Variants in OTOG observed in about 807,000 individuals in gnomAD.
The protein encoded by OTOG is otogelin.
A neutral mutation model predicts 313.8 loss-of-function variants in OTOG; 296 were observed. The ratio of observed to expected loss-of-function variants is 0.94; its 90% CI spans 0.86 to 1.04. The LOEUF (loss-of-function observed/expected upper bound fraction) is 1.04. Among genes scored for constraint, OTOG ranks in the 50% least tolerant of loss-of-function variants. The pLI, the probability that OTOG is intolerant of heterozygous loss-of-function variation, is 0.00. For missense variants in OTOG, 3,948 were observed against 3,840.1 expected (o/e 1.03, Z -0.74); for synonymous variants, 1,533 against 1,554.9 (o/e 0.99, Z 0.33).
chr11:17,547,657 G>A (rs1851838560), intron 1 of OTOG, 191 bp downstream of exon 1: 10 of 1,096,480 alleles, frequency 9.1e-6, no homozygotes, highest in Non-Finnish European at 1.2e-5. Context: ...TATGACCGCG[G>A]GGGAAAGAGT....
intron 39 of OTOG, among the ~76,000 whole-genome samples, chr11:17,625,373 G>T (rs1227845319): frequency 6.6e-6 from 1 of 152,160 alleles, no homozygotes; most frequent in Non-Finnish European, 1.5e-5. Context: ...AAGCGGTGTT[G>T]AGTTTTACCA....
chr11:17,642,389 G>A, intron 53 of OTOG, 143 bp downstream of exon 53: 1 of 1,169,246 alleles, frequency 8.6e-7, no homozygotes, highest in Non-Finnish European at 1.2e-6. Flanking sequence ...AAATCCATAT[G>A]TCTCTCTGCA....
At chr11:17,576,509 C>A in intron 20 of OTOG, 47 bp from the exon 21 acceptor site, 1 of 1,480,374 alleles carries the variant, frequency 6.8e-7, no homozygotes, top group Non-Finnish European at 9.2e-7. Flanking sequence ...AGTCTCTGCC[C>A]TAGCTCCTGA....
At chr11:17,643,398 T>C in intron 53 of OTOG, 63 bp from the exon 54 acceptor site, 1 of 1,192,930 alleles carries the variant, frequency 8.4e-7, no homozygotes, top group South Asian at 2.2e-5. Context: ...TTCTGGGATC[T>C]TGGCTCCCGG....
intron 9 of OTOG, 109 bp downstream of exon 9, chr11:17,558,424 T>C: frequency 6.6e-7 from 1 of 1,516,950 alleles, no homozygotes; most frequent in Non-Finnish European, 8.9e-7. Context: ...CTTGACCCCA[T>C]CCCTCTCTTC....
chr11:17,593,319 G>A lies in OTOG; in HGVS notation c.3133G>A (p.Gly1045Arg), dbSNP rs757978475. ...ACTCATTGTCTTTGATGATGACTCCGGAAATCCTGTAAGGCTCAGTGCCTG... is the reference window on the plus strand; with the variant it reads ...ACTCATTGTCTTTGATGATGACTCCAGAAATCCTGTAAGGCTCAGTGCCTG... ...NSLIVFDDDS[G>R]NPSPESFLDD... Residue 1045 changes from glycine to arginine, a missense_variant, in exon 26 of 56, where the codon GGA (glycine) becomes AGA (arginine). Physicochemically the swap from Gly to Arg is moderately radical, Grantham distance 125. Transcript: ENST00000399397. 44 of 1,550,428 alleles carry A rather than the reference G, an allele frequency of 2.8e-5. 1 individual carries two copies. In the Middle Eastern group the frequency reaches 6.7e-4, roughly 23 times the overall value.
At chr11:17,644,549 G>A (rs1187141500) in intron 54 of OTOG, among the ~76,000 whole-genome samples, 1 of 152,244 alleles carries the variant, frequency 6.6e-6, no homozygotes, top group East Asian at 1.9e-4. Context: ...TTTAGTGGGA[G>A]AGACAGAATA....
In OTOG at chr11:17,598,769, C is replaced by T. The variant is rs77251078; in HGVS notation, c.3683-902C>T. On this transcript the variant is annotated intron_variant, in intron 30 of 55. Coordinates refer to ENST00000399397, the MANE Select transcript of OTOG (RefSeq NM_001292063.2). The stretch of plus-strand genomic sequence containing the variant: ...CTGGGTATACCCTGGAAACCAGAAA[C>T]TTGGAGATTTTCTAATTTTCTGGTT... Among the ~76,000 whole-genome samples the T allele has an allele frequency of 4.2e-3, 637 of 152,326 alleles. 5 individuals carry two copies. Among genetic ancestry groups the T allele is most frequent in the African/African-American group, 0.015 (603 of 41,572 alleles).
At chr11:17,608,436 C>A in intron 34 of OTOG, 23 bp downstream of exon 34, 1 of 1,480,896 alleles carries the variant, frequency 6.8e-7, no homozygotes, top group Non-Finnish European at 9.1e-7. Flanking sequence ...GGGCTGTGGG[C>A]ATGGAGCCAA....
intron 47 of OTOG, among the ~76,000 whole-genome samples, chr11:17,636,270 A>AC (rs753580048): frequency 5.9e-5 from 9 of 152,316 alleles, no homozygotes; most frequent in South Asian, 2.1e-4. Context: ...TGTTCATAGT[A>AC]CCTTGATATA....
rs1330287897 is a variant in OTOG at position 17,576,922 on chromosome 11, G to A, written c.2605+11G>A. 1 of 1,550,174 alleles carries A rather than the reference G, an allele frequency of 6.5e-7. No homozygotes were observed. Among genetic ancestry groups the A allele is most frequent in the East Asian group, 2.4e-5 (1 of 40,922 alleles). On this transcript the variant is annotated intron_variant, in intron 22 of 55. Transcript: ENST00000399397. Reference sequence around the variant, plus strand: ...ATAGCAGAGCCCCAGGTAAGGGTGGGTGGAGGGGTGGAGCCCTTCTGGGGG... The same window carrying A: ...ATAGCAGAGCCCCAGGTAAGGGTGGATGGAGGGGTGGAGCCCTTCTGGGGG...
intron 49 of OTOG, 65 bp downstream of exon 49, chr11:17,639,528 T>G: frequency 6.7e-7 from 1 of 1,482,638 alleles, no homozygotes; most frequent in Non-Finnish European, 9.2e-7. Context: ...CTCTATCCCC[T>G]CCTCTAGAGA....
At chr11:17,573,614 G>A (rs764980415) in intron 19 of OTOG, among the ~76,000 whole-genome samples, 16 of 152,102 alleles carry the variant, frequency 1.1e-4, no homozygotes, top group African/African-American at 1.2e-4. Context: ...GCCACCTTGC[G>A]TTGCACCTTT....
chr11:17,609,245 T>C (rs1163015967), intron 35 of OTOG, 36 bp downstream of exon 35: 1 of 1,526,590 alleles, frequency 6.6e-7, no homozygotes, highest in Non-Finnish European at 8.9e-7. Context: ...TCCCTCAGAT[T>C]TCCTCTAAGT....
At chr11:17,636,081 T>C (rs1854259994) in intron 47 of OTOG, among the ~76,000 whole-genome samples, 1 of 152,234 alleles carries the variant, frequency 6.6e-6, no homozygotes, top group Admixed American at 6.5e-5. Flanking sequence ...GTCGCCATAG[T>C]GCCCGCTCCT....
intron 47 of OTOG, among the ~76,000 whole-genome samples, chr11:17,637,015 T>C (rs770065062): frequency 6.6e-6 from 1 of 152,220 alleles, no homozygotes; most frequent in Non-Finnish European, 1.5e-5. Flanking sequence ...TTTCTCCCAG[T>C]CTTCGTCATA....
chr11:17,593,927 CTG>C, intron 27 of OTOG, 118 bp from the exon 28 acceptor site: 1 of 1,431,136 alleles, frequency 7.0e-7, no homozygotes, highest in South Asian at 1.4e-5. Context: ...CCTCTTCAAA[CTG>C]TGACCTCAGC....
In OTOG at chr11:17,611,390, T is replaced by G. The variant is rs1453478774; in HGVS notation, c.6090T>G (p.Thr2030=). The change falls in exon 36 of 56, where the codon ACT becomes ACG. Residue 2030 remains threonine (T), a synonymous_variant. Coordinates refer to ENST00000399397, the MANE Select transcript of OTOG (RefSeq NM_001292063.2). ...AGGGTTTGGCGGAGGCTTTGGCAAC[T>G]ACCACTGAGGCCAATACATCCACCA... ...IVEGLAEALA[T]TTEANTSTTC... is the part of the protein sequence containing the mutation. The G allele has an allele frequency of 1.9e-6, 3 of 1,539,538 alleles. No homozygotes were observed. The highest frequency in any genetic ancestry group is 2.6e-6 in the Non-Finnish European group (3 of 1,139,104).
chr11:17,570,161 G>T, intron 16 of OTOG, 52 bp from the exon 17 acceptor site: 1 of 1,476,554 alleles, frequency 6.8e-7, no homozygotes, highest in South Asian at 1.2e-5. Flanking sequence ...GGTGGTGGGC[G>T]GGGTGTGTAC....
Sources: allele counts gnomAD v4.1 joint callset (sites outside exome capture counted in the v4.1 genomes callset), GRCh38; gene constraint gnomAD v4.1.1; transcripts MANE v1.5; gene names NCBI Gene and HGNC (gene_info 2026-07-23, HGNC 2026-07-21).